The following TIMMDC1 variants were observed in gnomAD, a reference collection of about 807,000 sequenced individuals.
TIMMDC1 encodes the protein complex I assembly factor TIMMDC1, mitochondrial.
In TIMMDC1, 25 loss-of-function variants were observed where a neutral mutation model predicts 32.6. That is an observed-to-expected ratio of 0.77 (90% CI 0.56 to 1.07). TIMMDC1 has a LOEUF of 1.07. Among genes scored for constraint, TIMMDC1 ranks in the 50% least tolerant of loss-of-function variants. The pLI is 0.00. For missense variants in TIMMDC1, 329 were observed against 349.2 expected (o/e 0.94, Z 0.46); for synonymous variants, 130 against 127.6 (o/e 1.02, Z -0.13).
chr3:119,500,903 A>T, intron 2 of TIMMDC1, 43 bp downstream of exon 2: 1 of 1,581,406 alleles, frequency 6.3e-7, no homozygotes, highest in Non-Finnish European at 8.6e-7. Context: ...ACACTGACTT[A>T]GTAATTCACT....
chr3:119,499,964 C>T (rs962885694), intron 1 of TIMMDC1, among the ~76,000 whole-genome samples: 3 of 152,162 alleles, frequency 2.0e-5, no homozygotes, highest in Non-Finnish European at 4.4e-5. Flanking sequence ...ATTTTTAGAG[C>T]CAGGATCTTT....
intron 5 of TIMMDC1, among the ~76,000 whole-genome samples, chr3:119,516,183 G>T (rs1480705546): frequency 6.6e-6 from 1 of 152,100 alleles, no homozygotes; most frequent in Non-Finnish European, 1.5e-5. Flanking sequence ...TTCACATTGT[G>T]CATGAGATCT....
chr3:119,506,419 T>C (rs998678437), intron 4 of TIMMDC1, among the ~76,000 whole-genome samples: 8 of 151,454 alleles, frequency 5.3e-5, no homozygotes, highest in Admixed American at 5.3e-4. Flanking sequence ...CTCAGGAGGC[T>C]GAGGTGGGAG....
Position 119,498,714 on chromosome 3 carries a change from C to T in TIMMDC1, c.-20C>T. 6.2e-7 allele frequency: 1 copy of T among 1,612,598 alleles called. No homozygotes were observed. Among genetic ancestry groups the T allele is most frequent in the Non-Finnish European group, 8.5e-7 (1 of 1,179,146 alleles). On this transcript the variant is annotated 5_prime_UTR_variant, in exon 1 of 7. Transcript: ENST00000494664. The stretch of plus-strand genomic sequence containing the variant: ...TGAAGTCCTGAGCGCTCAAGTTTGT[C>T]CGTAGGTCGAGAGAAGGCCATGGAG...
At chr3:119,512,619 A>T (rs1002011254) in intron 4 of TIMMDC1, among the ~76,000 whole-genome samples, 2 of 151,902 alleles carry the variant, frequency 1.3e-5, no homozygotes, top group African/African-American at 4.8e-5. Flanking sequence ...TGTTTGGAGG[A>T]TCAGAAAAAA....
At position 119,498,709 on chromosome 3, in the gene TIMMDC1, T is replaced by G; in HGVS notation, c.-25T>G. On this transcript the variant is annotated 5_prime_UTR_variant, in exon 1 of 7. Coordinates refer to ENST00000494664, the MANE Select transcript of TIMMDC1 (RefSeq NM_016589.4). Reference sequence around the variant, plus strand: ...GGACTTGAAGTCCTGAGCGCTCAAGTTTGTCCGTAGGTCGAGAGAAGGCCA... The same window carrying G: ...GGACTTGAAGTCCTGAGCGCTCAAGGTTGTCCGTAGGTCGAGAGAAGGCCA... 6.2e-7 allele frequency: 1 copy of G among 1,611,904 alleles called. No individual in the cohort carries two copies. Among genetic ancestry groups the G allele is most frequent in the Middle Eastern group, 1.7e-4 (1 of 6,052 alleles).
At chr3:119,500,281 G>A (rs2081860994) in intron 1 of TIMMDC1, 1 of 153,504 alleles carries the variant, frequency 6.5e-6, no homozygotes, top group Non-Finnish European at 1.4e-5. Context: ...TATTTCTAGG[G>A]GTGTAATAGT....
intron 4 of TIMMDC1, among the ~76,000 whole-genome samples, chr3:119,508,247 T>C (rs930458053): frequency 1.3e-5 from 2 of 152,210 alleles, no homozygotes; most frequent in Non-Finnish European, 1.5e-5. Flanking sequence ...TCTTAGACTT[T>C]TCTACACTGA....
intron 6 of TIMMDC1, among the ~76,000 whole-genome samples, chr3:119,519,462 C>T (rs897689431): frequency 6.6e-6 from 1 of 150,898 alleles, no homozygotes; most frequent in Non-Finnish European, 1.5e-5. Flanking sequence ...AATAGCTATA[C>T]TTATGCTAGA....
chr3:119,504,028 C>T lies in TIMMDC1; in HGVS notation c.517+7C>T. On this transcript the variant is annotated splice_region_variant and intron_variant, in intron 4 of 6. Coordinates refer to ENST00000494664, the MANE Select transcript of TIMMDC1 (RefSeq NM_016589.4). The stretch of plus-strand genomic sequence containing the variant: ...CATTTTGTAATTGCAGGAGGTAAGA[C>T]ATTTTTGTTTATATTTTTCAGTCTT... 6.2e-7 allele frequency: 1 copy of T among 1,603,826 alleles called. No individual in the cohort carries two copies. The highest frequency in any genetic ancestry group is 8.5e-7 in the Non-Finnish European group (1 of 1,171,038).
chr3:119,518,783 A>G (rs2082003489), intron 6 of TIMMDC1, among the ~76,000 whole-genome samples: 1 of 152,064 alleles, frequency 6.6e-6, no homozygotes, highest in South Asian at 2.1e-4. Flanking sequence ...CACTGCCACC[A>G]TTTACCTCCC....
intron 6 of TIMMDC1, among the ~76,000 whole-genome samples, chr3:119,522,804 T>TTGTGTGTGTGTG (rs71156752): frequency 3.2e-4 from 48 of 148,754 alleles, no homozygotes; most frequent in South Asian, 1.1e-3. Context: ...GTATGGGTGT[T>TTGTGTGTGTGTG]TGTGTGTGTG....
At chr3:119,516,552 T>C (rs1375324001) in intron 5 of TIMMDC1, among the ~76,000 whole-genome samples, 1 of 152,262 alleles carries the variant, frequency 6.6e-6, no homozygotes, top group Non-Finnish European at 1.5e-5. Flanking sequence ...ATGAGGTTAC[T>C]TAAATTGTAG....
At chr3:119,506,975 T>C (rs2081922871) in intron 4 of TIMMDC1, among the ~76,000 whole-genome samples, 1 of 152,206 alleles carries the variant, frequency 6.6e-6, no homozygotes, top group Non-Finnish European at 1.5e-5. Flanking sequence ...TCAGCTTCCC[T>C]AGAGAGTTCT....
chr3:119,505,207 A>G (rs757691242), intron 4 of TIMMDC1, among the ~76,000 whole-genome samples: 1 of 152,216 alleles, frequency 6.6e-6, no homozygotes, highest in African/African-American at 2.4e-5. Flanking sequence ...CATGTTATAC[A>G]CCATATGTGT....
intron 5 of TIMMDC1, among the ~76,000 whole-genome samples, chr3:119,514,031 G>A (rs2081970848): frequency 6.6e-6 from 1 of 152,050 alleles, no homozygotes; most frequent in African/African-American, 2.4e-5. Flanking sequence ...TTTAAATATT[G>A]CTAACACCTG....
intron 2 of TIMMDC1, among the ~76,000 whole-genome samples, chr3:119,501,382 C>G (rs773631345): frequency 2.5e-4 from 38 of 152,190 alleles, no homozygotes; most frequent in Non-Finnish European, 3.8e-4. Context: ...TACCTTTCAT[C>G]CGGATTCTCC....
intron 4 of TIMMDC1, among the ~76,000 whole-genome samples, chr3:119,512,952 GCTGA>G (rs2081964385): frequency 1.3e-5 from 2 of 152,128 alleles, no homozygotes; most frequent in African/African-American, 4.8e-5. Flanking sequence ...TGTTGTCCAG[GCTGA>G]CTTAGAACTC....
At chr3:119,512,779 C>T (rs1031246285) in intron 4 of TIMMDC1, among the ~76,000 whole-genome samples, 2 of 152,082 alleles carry the variant, frequency 1.3e-5, no homozygotes, top group South Asian at 2.1e-4. Flanking sequence ...CTCATTCTTC[C>T]GCTGAGGCTA....
Sources: allele counts gnomAD v4.1 joint callset (sites outside exome capture counted in the v4.1 genomes callset), GRCh38; gene constraint gnomAD v4.1.1; transcripts MANE v1.5; gene names NCBI Gene and HGNC (gene_info 2026-07-23, HGNC 2026-07-21).